DOCK11: variants seen among roughly 807,000 people sequenced by gnomAD.
The protein encoded by DOCK11 is dedicator of cytokinesis protein 11.
In DOCK11, 70 loss-of-function variants were observed where a neutral mutation model predicts 169.1. That is an observed-to-expected ratio of 0.41 (90% confidence interval 0.34 to 0.51). The LOEUF (loss-of-function observed/expected upper bound fraction) is 0.51, where lower values mean the gene tolerates loss of function less well. DOCK11 is among the 20% of genes least tolerant of loss of function. DOCK11 has a pLI of 0.10. For missense variants in DOCK11, 1,166 were observed against 1,538.8 expected (o/e 0.76, Z 4.05); for synonymous variants, 529 against 541.3 (o/e 0.98, Z 0.32).
In DOCK11 at chrX:118,681,710, T is replaced by A; in HGVS notation, c.5879T>A (p.Leu1960Ter). The A allele has an allele frequency of 8.3e-7, 1 of 1,201,238 alleles. No individual in the cohort carries two copies. The highest frequency in any genetic ancestry group is 1.1e-6 in the Non-Finnish European group (1 of 890,199). ...CVSVQVNAGP[L>*]AYARAFLNDS... is the part of the protein sequence containing the mutation. ...GTGATATAGGTCAATGCTGGTCCATTAGCATATGCAAGAGCTTTCTTAAAT... is the reference window on the plus strand; with the variant it reads ...GTGATATAGGTCAATGCTGGTCCATAAGCATATGCAAGAGCTTTCTTAAAT... The change falls in exon 51 of 53, where the codon TTA becomes TAA. Residue 1960 changes from leucine to a stop codon, truncating the protein, a stop_gained. Transcript: ENST00000276202. LOFTEE classifies it high-confidence loss of function.
chrX:118,661,141 C>A (rs950247786), intron 44 of DOCK11, among the ~76,000 whole-genome samples: 5 of 105,180 alleles, frequency 4.8e-5, no homozygotes, highest in Non-Finnish European at 7.8e-5. Context: ...TCCAGGAAGT[C>A]GAGGCTGGAA....
intron 40 of DOCK11, among the ~76,000 whole-genome samples, chrX:118,648,192 A>T (rs868111940): frequency 2.8e-5 from 2 of 71,066 alleles, no homozygotes; most frequent in East Asian, 3.6e-4. Flanking sequence ...ATATATAATA[A>T]TATAATATAT....
At chrX:118,630,998 C>G (rs1043592989) in intron 35 of DOCK11, among the ~76,000 whole-genome samples, 4 of 111,005 alleles carry the variant, frequency 3.6e-5, no homozygotes, top group Non-Finnish European at 5.7e-5. Flanking sequence ...GTTTTTTCTC[C>G]TTGGTATAGA....
chrX:118,659,753 T>G (rs1037687048), intron 44 of DOCK11, among the ~76,000 whole-genome samples: 1 of 111,774 alleles, frequency 8.9e-6, no homozygotes, highest in African/African-American at 3.3e-5. Context: ...TGTTTATGTC[T>G]TTGTTCCTGA....
chrX:118,681,263 CAACATGTA>C lies in DOCK11; in HGVS notation c.5862+16_5862+23del. ...TTTCTGTGCAGGTACGTTGGTCATCCAACATGTATTGAATGTTTCTTGATGTTTCTTTT... is the reference window on the plus strand; with the variant it reads ...TTTCTGTGCAGGTACGTTGGTCATCCTTGAATGTTTCTTGATGTTTCTTTT... On this transcript the variant is annotated intron_variant, in intron 50 of 52. Transcript: ENST00000276202. 1.7e-6 allele frequency: 2 copies of C among 1,145,419 alleles called. No homozygotes were observed. The highest frequency in any genetic ancestry group is 2.3e-6 in the Non-Finnish European group (2 of 862,920). 94.4% of individuals were successfully genotyped at this position (1,145,419 alleles called of 1,213,427 possible). A position where few individuals can be genotyped will look rare whatever the true frequency, so the allele number is the denominator to read the frequency against.
rs185112302 is a variant in DOCK11, at chrX:118,581,902, C to T, written c.1595+1723C>T. Reference sequence around the variant, plus strand: ...ATCCCAGCAGTTTGGGAGGCTGAGGCGGGTGGATCACAAGATCAGGAGTTC... The same window carrying T: ...ATCCCAGCAGTTTGGGAGGCTGAGGTGGGTGGATCACAAGATCAGGAGTTC... On this transcript the variant is annotated intron_variant, in intron 14 of 52. Coordinates refer to ENST00000276202, the MANE Select transcript of DOCK11 (RefSeq NM_144658.4). 4.7e-3 allele frequency among the ~76,000 whole-genome samples: 475 copies of T among 100,359 alleles called. 1 individual carries two copies. Among genetic ancestry groups the T allele is most frequent in the South Asian group, 0.014 (30 of 2,175 alleles). 87.1% of individuals were successfully genotyped at this position (100,359 alleles called of 115,157 possible).
intron 27 of DOCK11, among the ~76,000 whole-genome samples, 175 bp from the exon 28 acceptor site, chrX:118,610,097 G>A (rs1252082548): frequency 8.9e-6 from 1 of 112,055 alleles, no homozygotes; most frequent in Non-Finnish European, 1.9e-5. Context: ...GATAGTTCCT[G>A]TAATTATATA....
At chrX:118,592,151 A>G (rs2014022414) in intron 19 of DOCK11, among the ~76,000 whole-genome samples, 1 of 110,534 alleles carries the variant, frequency 9.0e-6, no homozygotes, top group South Asian at 3.9e-4. Flanking sequence ...TATACCCAGT[A>G]ATGGGATGGC....
intron 40 of DOCK11, among the ~76,000 whole-genome samples, chrX:118,648,527 T>G (rs867262273): frequency 1.1e-5 from 1 of 90,849 alleles, no homozygotes; most frequent in Non-Finnish European, 2.1e-5. Context: ...GTAATATATA[T>G]ATATTTATAT....
chrX:118,528,344 G>A (rs1029967139), intron 1 of DOCK11, among the ~76,000 whole-genome samples: 1 of 112,233 alleles, frequency 8.9e-6, no homozygotes, highest in African/African-American at 3.2e-5. Flanking sequence ...AAATGAGAAG[G>A]GGATTTGATC....
At chrX:118,648,130 T>TATAATATATAAATTGTAATATTATAC (rs2015826617) in intron 40 of DOCK11, among the ~76,000 whole-genome samples, 1 of 56,557 alleles carries the variant, frequency 1.8e-5, no homozygotes, top group Non-Finnish European at 2.8e-5. Context: ...TAATATTATA[T>TATAATATATAAATTGTAATATTATAC]AATATAATAT....
intron 50 of DOCK11, 126 bp downstream of exon 50, chrX:118,681,374 A>AT (rs1285334278): frequency 9.0e-6 from 6 of 669,027 alleles, no homozygotes; most frequent in Non-Finnish European, 1.3e-5. Context: ...CCTGTGCATT[A>AT]TTTTTTGTTC....
chrX:118,574,806 C>T (rs1315890429), intron 12 of DOCK11, among the ~76,000 whole-genome samples: 1 of 111,817 alleles, frequency 8.9e-6, no homozygotes, highest in African/African-American at 3.3e-5. Flanking sequence ...CTGCTTGTGT[C>T]ATAGCTGTAA....
In DOCK11 at chrX:118,614,729, A is replaced by T. The variant is rs1307516474; in HGVS notation, c.3134A>T (p.Asn1045Ile). The stretch of plus-strand genomic sequence containing the variant: ...CTAATGGATAGAGGATTTATTTTCA[A>T]TTTAATAAATGACTATATATCTGGA... ...LTLMDRGFIF[N>I]LINDYISGFS... Residue 1045 changes from asparagine (N) to isoleucine (I), a missense_variant, in exon 29 of 53, where the codon AAT (asparagine) becomes ATT (isoleucine). Transcript: ENST00000276202. 1 of 1,196,484 alleles carries T rather than the reference A, an allele frequency of 8.4e-7. No homozygotes were observed. The highest frequency in any genetic ancestry group is 1.8e-5 in the African/African-American group (1 of 56,831).
chrX:118,662,365 T>C (rs1448307177), intron 44 of DOCK11, among the ~76,000 whole-genome samples: 1 of 112,101 alleles, frequency 8.9e-6, no homozygotes, highest in Non-Finnish European at 1.9e-5. Flanking sequence ...AGAACACAAA[T>C]GTATACAGGA....
At chrX:118,651,793 T>C (rs774330089) in intron 41 of DOCK11, among the ~76,000 whole-genome samples, 171 bp from the exon 42 acceptor site, 1 of 112,085 alleles carries the variant, frequency 8.9e-6, no homozygotes, top group African/African-American at 3.2e-5. Flanking sequence ...AAGTTACTAT[T>C]TCAGCAGAAG....
intron 1 of DOCK11, among the ~76,000 whole-genome samples, chrX:118,536,443 C>T (rs908002498): frequency 1.8e-5 from 2 of 111,792 alleles, no homozygotes; most frequent in African/African-American, 3.3e-5. Flanking sequence ...TATTCACACA[C>T]CACTCTTGAC....
Position 118,516,004 on chromosome X carries a change from A to ACTAT in DOCK11, c.102+19931_102+19932insCTAT, listed in dbSNP as rs1436837389. On this transcript the variant is annotated intron_variant, in intron 1 of 52. Coordinates refer to ENST00000276202, the MANE Select transcript of DOCK11 (RefSeq NM_144658.4). ...ATGTTCAAAAGTAAGGATTTGGGCAAATATATATATATATACATTCTTACA... is the reference window on the plus strand; with the variant it reads ...ATGTTCAAAAGTAAGGATTTGGGCAACTATATATATATATATATACATTCTTACA... Among the ~76,000 whole-genome samples, 13 of 44,941 alleles carry ACTAT rather than the reference A, an allele frequency of 2.9e-4. 1 individual carries two copies. Among genetic ancestry groups the ACTAT allele is most frequent in the East Asian group, 7.2e-4 (1 of 1,389 alleles). The allele number at this position is 44,941 out of a possible 115,157, so 39.0% of individuals were successfully genotyped here.
Position 118,531,379 on chromosome X carries a change from C to T in DOCK11, c.103-11346C>T, listed in dbSNP as rs186120959. On this transcript the variant is annotated intron_variant, in intron 1 of 52. Transcript: ENST00000276202. ...CTGAGGTGGGAGGATCCCTTAAGCCCAGGAGGTTCGGGGCTGCAGTGAGCC... is the reference window on the plus strand; with the variant it reads ...CTGAGGTGGGAGGATCCCTTAAGCCTAGGAGGTTCGGGGCTGCAGTGAGCC... 4.3e-4 allele frequency among the ~76,000 whole-genome samples: 34 copies of T among 78,585 alleles called. 1 individual carries two copies. Among genetic ancestry groups the T allele is most frequent in the African/African-American group, 1.7e-3 (32 of 19,244 alleles). 68.2% of individuals were successfully genotyped at this position (78,585 alleles called of 115,157 possible).
Sources: allele counts gnomAD v4.1 joint callset (sites outside exome capture counted in the v4.1 genomes callset), GRCh38; gene constraint gnomAD v4.1.1; transcripts MANE v1.5; gene names NCBI Gene and HGNC (gene_info 2026-07-23, HGNC 2026-07-21).